RIF1: variants seen among roughly 807,000 people sequenced by gnomAD.
RIF1 encodes the protein telomere-associated protein RIF1.
RIF1 carries 45 observed loss-of-function variants against 247.1 expected under a neutral mutation model. The observed-to-expected ratio is 0.18, with a 90% CI of 0.14 to 0.23. RIF1 has a LOEUF of 0.23. Ranked by LOEUF, RIF1 falls within the 10% of genes least tolerant of loss-of-function variation. The pLI is 1.00. For missense variants in RIF1, 2,967 were observed against 2,862.5 expected, an observed-to-expected ratio of 1.04 and a Z score of -0.83; for synonymous variants, 1,087 against 978.8, an observed-to-expected ratio of 1.11 and a Z score of -2.06.
At chr2:151,514,350 T>C in the RIF1 span, 1 of 1,613,758 alleles carries the variant, frequency 6.2e-7, no homozygotes, top group Non-Finnish European at 8.5e-7. Flanking sequence ...TTCTTTGCTC[T>C]TAGCATGTCA....
At chr2:151,485,516 G>A, downstream of RIF1, 2 of 358,260 alleles carry the variant, frequency 5.6e-6, no homozygotes, top group Non-Finnish European at 1.0e-5. Context: ...AAGAAATAAT[G>A]TTAAAACATG....
chr2:151,450,925 A>G (rs1694205881), intron 20 of RIF1, among the ~76,000 whole-genome samples: 1 of 152,200 alleles, frequency 6.6e-6, no homozygotes, highest in African/African-American at 2.4e-5. Context: ...GGTTTAGTGA[A>G]AACTTTTACT....
At chr2:151,446,287 C>A in intron 19 of RIF1, 139 bp from the exon 20 acceptor site, 1 of 806,924 alleles carries the variant, frequency 1.2e-6, no homozygotes. Context: ...GCGTGAGCCA[C>A]TGCACCCGGC....
At chr2:151,521,080 G>A in the RIF1 span, among the ~76,000 whole-genome samples, 1 of 152,046 alleles carries the variant, frequency 6.6e-6, no homozygotes, top group Admixed American at 6.6e-5. Flanking sequence ...AACCCTCAGG[G>A]AATCCTAGAG....
At chr2:151,468,837 T>C in intron 33 of RIF1, 81 bp downstream of exon 33, 1 of 989,970 alleles carries the variant, frequency 1.0e-6, no homozygotes. Flanking sequence ...TTGGTTCTCA[T>C]GTTTAGAATT....
At chr2:151,524,573 G>C in the RIF1 span, 2 of 1,607,730 alleles carry the variant, frequency 1.2e-6, no homozygotes, top group Admixed American at 1.7e-5. Context: ...ATCAGCCACT[G>C]TGGTGTAATG....
In RIF1 at chr2:151,464,242, C is replaced by T; in HGVS notation, c.4722C>T (p.Asn1574=). The T allele has an allele frequency of 6.2e-7, 1 of 1,613,724 alleles. No individual in the cohort carries two copies. Among genetic ancestry groups the T allele is most frequent in the South Asian group, 1.1e-5 (1 of 91,036 alleles). Residue 1574 remains asparagine (N), a synonymous_variant, in exon 30 of 36, where the codon AAC becomes AAT. Transcript: ENST00000444746. ...AGAAGAGATCTGGAAAATGGAAAAA[C>T]AAAAGCAATGAAAGTGTTGACATTC... ...SRKKRSGKWK[N]KSNESVDIQD... is the part of the protein sequence containing the mutation.
intron 3 of RIF1, among the ~76,000 whole-genome samples, chr2:151,412,072 T>C (rs1686336486): frequency 6.6e-6 from 1 of 152,196 alleles, no homozygotes; most frequent in African/African-American, 2.4e-5. Flanking sequence ...TTAATTTCTT[T>C]TTCCTCATTC....
the RIF1 span, among the ~76,000 whole-genome samples, chr2:151,520,752 TACTC>T: frequency 3.9e-5 from 6 of 152,166 alleles, no homozygotes; most frequent in African/African-American, 1.4e-4. Flanking sequence ...TAGTCTCAGC[TACTC>T]AGGAGGCTGA....
Position 151,491,805 on chromosome 2 carries a change from T to G in RIF1, c.*416-3424T>G, listed in dbSNP as rs536089037. On this transcript the variant is annotated intron_variant and NMD_transcript_variant, in intron 9 of 13. Transcript: ENST00000454583. The stretch of plus-strand genomic sequence containing the variant: ...AAGGGAAACCAGTGATCAGAACAAG[T>G]GTTCTTGGAGTTTTCCAATAACTTG... 33 of 1,521,876 alleles carry G rather than the reference T, an allele frequency of 2.2e-5. No individual in the cohort carries two copies. The Middle Eastern group carries it at 6.8e-4, about 31-fold the overall frequency. 94.3% of individuals were successfully genotyped at this position (1,521,876 alleles called of 1,614,324 possible). A position where few individuals can be genotyped will look rare whatever the true frequency, so the allele number is the denominator to read the frequency against.
At chr2:151,458,226 A>ATT (rs71403171) in intron 24 of RIF1, among the ~76,000 whole-genome samples, 3,612 of 99,050 alleles carry the variant, frequency 0.036, 245 homozygotes, top group East Asian at 0.073. Context: ...GAAATAGATG[A>ATT]TTTTTTTTTT....
At position 151,462,394 on chromosome 2, in the gene RIF1, T is replaced by C; in HGVS notation, c.3309-18T>C. On this transcript the variant is annotated intron_variant, in intron 28 of 35. Transcript: ENST00000444746. ...CAAATAATTATAAAAATAATATTCT[T>C]ACTAATATTTATTTCAGGGAAATTC... The C allele has an allele frequency of 6.7e-7, 1 of 1,481,626 alleles. No homozygotes were observed. Among genetic ancestry groups the C allele is most frequent in the Non-Finnish European group, 9.2e-7 (1 of 1,089,940 alleles). 91.8% of individuals were successfully genotyped at this position (1,481,626 alleles called of 1,614,324 possible).
At chr2:151,466,831 T>C (rs2152511208) in intron 30 of RIF1, among the ~76,000 whole-genome samples, 1 of 152,388 alleles carries the variant, frequency 6.6e-6, no homozygotes, top group African/African-American at 2.4e-5. Context: ...AATTTTGAAC[T>C]TGAACCTGCT....
rs773045485 is a variant in RIF1 at position 151,416,548 on chromosome 2, G to C, written c.281-13G>C. ...ACCTATTCTATACAAAATTAAAACT[G>C]CTTGTTTTTCAGAGGCAAATGCTCT... On this transcript the variant is annotated splice_polypyrimidine_tract_variant and intron_variant, in intron 4 of 35. Coordinates refer to ENST00000444746, the MANE Select transcript of RIF1 (RefSeq NM_018151.5). The C allele has an allele frequency of 6.3e-7, 1 of 1,580,260 alleles. No homozygotes were observed. The highest frequency in any genetic ancestry group is 8.6e-7 in the Non-Finnish European group (1 of 1,168,124).
intron 32 of RIF1, 40 bp downstream of exon 32, chr2:151,468,591 A>T: frequency 6.2e-7 from 1 of 1,603,324 alleles, no homozygotes; most frequent in Non-Finnish European, 8.5e-7. Context: ...TTATATTTTC[A>T]TGTTCAGTCA....
Position 151,428,767 on chromosome 2 carries a change from T to G in RIF1, c.787-17T>G. On this transcript the variant is annotated splice_polypyrimidine_tract_variant and intron_variant, in intron 8 of 35. Coordinates refer to ENST00000444746, the MANE Select transcript of RIF1 (RefSeq NM_018151.5). ...ATGCAGATAAATAACTTCTTAATGA[T>G]TTTTTCCCCTTTTTAGACCTTGCAT... The G allele has an allele frequency of 1.9e-6, 3 of 1,577,880 alleles. No individual in the cohort carries two copies. Among genetic ancestry groups the G allele is most frequent in the Non-Finnish European group, 2.6e-6 (3 of 1,148,718 alleles).
chr2:151,466,260 A>T (rs1331153449), intron 30 of RIF1, 140 bp downstream of exon 30: 2 of 599,994 alleles, frequency 3.3e-6, no homozygotes, highest in African/African-American at 3.7e-5. Context: ...GTTGCTAGGG[A>T]AAAGGTAGGT....
intron 9 of RIF1, among the ~76,000 whole-genome samples, chr2:151,432,703 G>T (rs1573957797): frequency 6.6e-6 from 1 of 152,252 alleles, no homozygotes; most frequent in East Asian, 1.9e-4. Context: ...TGTTTTTCAG[G>T]ACTGTCCTGG....
rs1008303036 is a variant in RIF1, at chr2:151,477,889, T to C, written c.*2818T>C. ...CACCACTGGTTAATTTTTGTATTTT[T>C]AGTAGATACGGGGTTTCACCATGTC... On this transcript the variant is annotated 3_prime_UTR_variant, in exon 36 of 36. Transcript: ENST00000444746. 3 of 152,102 alleles carry C rather than the reference T, an allele frequency of 2.0e-5. No individual in the cohort carries two copies. Among genetic ancestry groups the C allele is most frequent in the African/African-American group, 7.2e-5 (3 of 41,404 alleles). The allele number at this position is 152,102 out of a possible 1,614,324, so 9.4% of individuals were successfully genotyped here.
Sources: allele counts gnomAD v4.1 joint callset (sites outside exome capture counted in the v4.1 genomes callset), GRCh38; gene constraint gnomAD v4.1.1; transcripts MANE v1.5; gene names NCBI Gene and HGNC (gene_info 2026-07-23, HGNC 2026-07-21).